Variants in HCK observed in about 807,000 individuals in gnomAD.
HCK encodes HCK proto-oncogene, Src family tyrosine kinase, also known as tyrosine-protein kinase HCK.
A neutral mutation model predicts 70.4 loss-of-function variants in HCK; 40 were observed. The ratio of observed to expected loss-of-function variants is 0.57; its 90% CI spans 0.44 to 0.74. The LOEUF (loss-of-function observed/expected upper bound fraction) is 0.74, where lower values mean the gene tolerates loss of function less well. HCK is among the 30% of genes least tolerant of loss of function. The pLI, the probability that HCK is intolerant of heterozygous loss-of-function variation, is 0.00. For synonymous variants in HCK, 245 were observed against 263.2 expected (o/e 0.93, Z 0.67); for missense variants, 568 against 697.2 (o/e 0.81, Z 2.09).
intron 1 of HCK, among the ~76,000 whole-genome samples, chr20:32,063,504 C>A (rs1479032651): frequency 6.6e-6 from 1 of 152,152 alleles, no homozygotes; most frequent in Admixed American, 6.5e-5. Context: ...CCACCTCAGC[C>A]TCCAAAAGTG....
chr20:32,057,075 A>G (rs1404920216), intron 1 of HCK, among the ~76,000 whole-genome samples: 1 of 152,214 alleles, frequency 6.6e-6, no homozygotes, highest in East Asian at 1.9e-4. Context: ...TCTGTCTCCT[A>G]AAACATTAGA....
Position 32,060,355 on chromosome 20 carries a change from GGA to G in HCK, c.62+7870_62+7871del, listed in dbSNP as rs1568958453. ...CCTGCCTTAGCCTCCCAAGTAGCTG[GGA>G]TTACAGGCACCCACTACCACGCCCA... On this transcript the variant is annotated intron_variant, in intron 1 of 12. Transcript: ENST00000375852. Among the ~76,000 whole-genome samples the G allele has an allele frequency of 5.9e-5, 9 of 152,240 alleles. No individual in the cohort carries two copies. In the South Asian group the frequency reaches 1.9e-3, roughly 32 times the overall value.
At chr20:32,063,943 A>G (rs1265200688) in intron 1 of HCK, among the ~76,000 whole-genome samples, 1 of 148,806 alleles carries the variant, frequency 6.7e-6, no homozygotes, top group African/African-American at 2.5e-5. Context: ...CTAGAAACCA[A>G]GGGCTGGCTC....
chr20:32,068,273 G>A (rs945908462), intron 1 of HCK, among the ~76,000 whole-genome samples: 5 of 150,568 alleles, frequency 3.3e-5, no homozygotes, highest in African/African-American at 1.2e-4. Flanking sequence ...ACTCCAGCCT[G>A]GGCAACAAGA....
intron 1 of HCK, among the ~76,000 whole-genome samples, chr20:32,059,573 T>C (rs2122471406): frequency 6.6e-6 from 1 of 152,048 alleles, no homozygotes; most frequent in Non-Finnish European, 1.5e-5. Context: ...TGGAGTGCAG[T>C]GATGCTATCA....
chr20:32,066,533 G>A (rs944760601), intron 1 of HCK, among the ~76,000 whole-genome samples: 11 of 151,598 alleles, frequency 7.3e-5, no homozygotes, highest in Admixed American at 6.6e-4. Flanking sequence ...GGCTTGTCTC[G>A]AACTCCTGAC....
intron 1 of HCK, among the ~76,000 whole-genome samples, chr20:32,055,196 G>A (rs1035109046): frequency 5.9e-5 from 9 of 152,314 alleles, no homozygotes; most frequent in African/African-American, 1.2e-4. Context: ...GAGGAGTACT[G>A]TAGCCCAGAA....
At position 32,052,315 on chromosome 20, in the gene HCK, G is replaced by A. The variant is rs897327897; in HGVS notation, c.-110G>A. 5.3e-6 allele frequency: 4 copies of A among 749,484 alleles called. 1 individual carries two copies. Among genetic ancestry groups the A allele is most frequent in the African/African-American group, 1.8e-5 (1 of 54,724 alleles). 46.4% of individuals were successfully genotyped at this position (749,484 alleles called of 1,614,324 possible). ...AGTGGGAAGGGACTCAGACAGTGCA[G>A]GACGAGAAACGCCCGCGGCACCAAA... is the stretch of plus-strand genomic sequence containing the variant. On this transcript the variant is annotated 5_prime_UTR_variant, in exon 1 of 13. Coordinates refer to ENST00000375852, the MANE Select transcript of HCK (RefSeq NM_002110.5).
intron 11 of HCK, among the ~76,000 whole-genome samples, chr20:32,094,803 A>G (rs1011586747): frequency 7.8e-4 from 61 of 77,966 alleles, no homozygotes; most frequent in Middle Eastern, 5.4e-3. Context: ...GAAAGAAAGA[A>G]AGAAAGAAAG....
intron 6 of HCK, 150 bp from the exon 7 acceptor site, chr20:32,083,744 C>T: frequency 1.2e-6 from 1 of 840,290 alleles, no homozygotes; most frequent in South Asian, 1.4e-5. Flanking sequence ...CCCAGGATGC[C>T]TGGCTCCCAC....
chr20:32,093,490 CGTGT>C (rs3073297), intron 10 of HCK, among the ~76,000 whole-genome samples: 6,304 of 146,358 alleles, frequency 0.043, 266 homozygotes, highest in African/African-American at 0.12. Flanking sequence ...TCCTAGGGTT[CGTGT>C]GTGTGTGTGT....
At chr20:32,066,331 T>TTTTTTTTTTTTTTTTTTTTTTTTTTTGA (rs60044994) in intron 1 of HCK, among the ~76,000 whole-genome samples, 4 of 81,910 alleles carry the variant, frequency 4.9e-5, no homozygotes, top group African/African-American at 1.3e-4. Context: ...TTTTTTTTTT[T>TTTTTTTTTTTTTTTTTTTTTTTTTTTGA]GACAGAGTCT....
chr20:32,097,791 T>C (rs2045977080), intron 11 of HCK, among the ~76,000 whole-genome samples: 1 of 152,022 alleles, frequency 6.6e-6, no homozygotes, highest in Non-Finnish European at 1.5e-5. Context: ...ATGTACTCAG[T>C]CATAAAGCAG....
intron 10 of HCK, among the ~76,000 whole-genome samples, chr20:32,091,430 G>T (rs914711270): frequency 6.6e-6 from 1 of 152,200 alleles, no homozygotes; most frequent in African/African-American, 2.4e-5. Flanking sequence ...AAATGGGGCT[G>T]ATAACAAAAG....
intron 1 of HCK, among the ~76,000 whole-genome samples, chr20:32,058,141 G>A (rs1320424912): frequency 4.6e-5 from 7 of 152,054 alleles, no homozygotes; most frequent in African/African-American, 1.7e-4. Context: ...TACAGTAGAC[G>A]ACCCCGAGTC....
intron 1 of HCK, among the ~76,000 whole-genome samples, chr20:32,061,302 G>A (rs2122482130): frequency 6.6e-6 from 1 of 152,310 alleles, no homozygotes; most frequent in Middle Eastern, 3.4e-3. Context: ...TCTAAGGAAA[G>A]TTTGTCAAGG....
rs1555874082 is a variant in HCK at position 32,059,419 on chromosome 20, C to CTT, written c.62+6934_62+6935insTT. ...TCCTTCCTTTCTTCTTTCTCTCTCT[C>CTT]TCTTTCTTTCTTTTTTCTTTCTTTC... is the stretch of plus-strand genomic sequence containing the variant. On this transcript the variant is annotated intron_variant, in intron 1 of 12. Transcript: ENST00000375852. 1.9e-3 allele frequency among the ~76,000 whole-genome samples: 283 copies of CTT among 145,292 alleles called. 1 individual carries two copies. The highest frequency in any genetic ancestry group is 6.3e-3 in the African/African-American group (248 of 39,088).
intron 1 of HCK, among the ~76,000 whole-genome samples, chr20:32,054,588 C>T (rs1195617730): frequency 1.4e-5 from 2 of 145,366 alleles, no homozygotes; most frequent in East Asian, 2.1e-4. Flanking sequence ...GGGCGGATCA[C>T]GAGGTCAGGA....
chr20:32,074,765 AG>A (rs762975518), intron 5 of HCK, 44 bp downstream of exon 5: 1 of 1,421,178 alleles, frequency 7.0e-7, no homozygotes, highest in Non-Finnish European at 1.0e-6. Flanking sequence ...GCATGAGCAA[AG>A]CCAGCCTTGT....
Sources: allele counts gnomAD v4.1 joint callset (sites outside exome capture counted in the v4.1 genomes callset), GRCh38; gene constraint gnomAD v4.1.1; transcripts MANE v1.5; gene names NCBI Gene and HGNC (gene_info 2026-07-23, HGNC 2026-07-21).